The following PHC3 variants were observed in gnomAD, a reference collection of about 807,000 sequenced individuals.
The protein encoded by PHC3 is polyhomeotic homolog 3.
PHC3 carries 13 observed loss-of-function variants against 107.4 expected under a neutral mutation model. That is an observed-to-expected ratio of 0.12 (90% CI 0.08 to 0.19). The LOEUF is 0.19. Ranked by LOEUF, PHC3 falls within the 10% of genes least tolerant of loss-of-function variation. The pLI, the probability that PHC3 is intolerant of heterozygous loss-of-function variation, is 1.00. For missense variants in PHC3, 992 were observed against 1,210.9 expected, an observed-to-expected ratio of 0.82 and a Z score of 2.68; for synonymous variants, 456 against 427.4, an observed-to-expected ratio of 1.07 and a Z score of -0.83.
In PHC3 at chr3:170,091,889, G is replaced by T. The variant is rs983823288; in HGVS notation, c.*5341C>A. On this transcript the variant is annotated 3_prime_UTR_variant, in exon 15 of 15. Coordinates refer to ENST00000495893, the MANE Select transcript of PHC3 (RefSeq NM_024947.4). ...TTAGGAAATTCTTTTTCCAAAGAAGGTAATCTAATTTTAAATTTATTTGAA... is the reference window on the plus strand; with the variant it reads ...TTAGGAAATTCTTTTTCCAAAGAAGTTAATCTAATTTTAAATTTATTTGAA... 1 of 152,094 alleles carries T rather than the reference G, an allele frequency of 6.6e-6. No homozygotes were observed. Among genetic ancestry groups the T allele is most frequent in the Non-Finnish European group, 1.5e-5 (1 of 68,018 alleles). The allele number at this position is 152,094 out of a possible 1,614,324, so 9.4% of individuals were successfully genotyped here. A position where few individuals can be genotyped will look rare whatever the true frequency, so the allele number is the denominator to read the frequency against.
rs1203894075 is a variant in PHC3 at position 170,089,929 on chromosome 3, G to GAAAAA, written c.*7296_*7300dup. The stretch of plus-strand genomic sequence containing the variant: ...GAACCCATCTCAAAAAAAAAAAAAA[G>GAAAAA]AAAAAAAAAAAAAAAGAAAGAAAGT... On this transcript the variant is annotated 3_prime_UTR_variant, in exon 15 of 15. Coordinates refer to ENST00000495893, the MANE Select transcript of PHC3 (RefSeq NM_024947.4). 2 of 100,720 alleles carry GAAAAA rather than the reference G, an allele frequency of 2.0e-5. No homozygotes were observed. Among genetic ancestry groups the GAAAAA allele is most frequent in the Non-Finnish European group, 2.1e-5 (1 of 47,932 alleles). The allele number at this position is 100,720 out of a possible 1,614,324, so 6.2% of individuals were successfully genotyped here.
At chr3:170,111,345 C>G (rs896317223) in intron 11 of PHC3, among the ~76,000 whole-genome samples, 1 of 77,924 alleles carries the variant, frequency 1.3e-5, no homozygotes, top group African/African-American at 5.0e-5. Context: ...AACAAAAGAA[C>G]GGAAAGGAAA....
At chr3:170,171,501 A>C in intron 3 of PHC3, 51 bp from the exon 4 acceptor site, 1 of 1,277,698 alleles carries the variant, frequency 7.8e-7, no homozygotes, top group Non-Finnish European at 1.1e-6. Flanking sequence ...GAAGTTAAGA[A>C]CTTTCTGGTA....
rs1168514834 is a variant in PHC3, at chr3:170,150,531, TAAAAA to T, written c.415-1292_415-1288del. On this transcript the variant is annotated intron_variant, in intron 4 of 14. Transcript: ENST00000495893. ...TAACATGGTGAAACCCTGTCTCTAC[TAAAAA>T]AAAAAAAAAAAAAAAAAATTAAAAA... 18 of 77,572 alleles carry T rather than the reference TAAAAA, an allele frequency of 2.3e-4. No homozygotes were observed. The East Asian group carries it at 6.1e-3, about 26-fold the overall frequency. 4.8% of individuals were successfully genotyped at this position (77,572 alleles called of 1,614,324 possible).
intron 4 of PHC3, among the ~76,000 whole-genome samples, chr3:170,168,126 C>T (rs906066797): frequency 6.6e-6 from 1 of 151,802 alleles, no homozygotes; most frequent in East Asian, 1.9e-4. Context: ...CGTGCCACTG[C>T]ACTCCAGCCT....
chr3:170,125,482 A>G (rs2108439890), intron 8 of PHC3, among the ~76,000 whole-genome samples: 1 of 152,212 alleles, frequency 6.6e-6, no homozygotes, highest in East Asian at 1.9e-4. Context: ...AAAGAACATG[A>G]TCTTTGCTTA....
At chr3:170,158,927 GAAA>G (rs145178751) in intron 4 of PHC3, among the ~76,000 whole-genome samples, 1 of 120,336 alleles carries the variant, frequency 8.3e-6, no homozygotes. Context: ...AACCTGTCTT[GAAA>G]AAAAAAAAAA....
Position 170,136,587 on chromosome 3 carries a change from G to C in PHC3, c.751C>G (p.Gln251Glu). The C allele has an allele frequency of 6.2e-7, 1 of 1,613,766 alleles. No individual in the cohort carries two copies. The change falls in exon 7 of 15, where the codon CAA becomes GAA. Residue 251 changes from glutamine to glutamate, a missense_variant. Physicochemically the swap from Gln to Glu is conservative, Grantham distance 29. Around this residue, in one of 6 missense-constraint regions of PHC3, gnomAD observed 543 missense variants for 590.8 expected, o/e 0.92. Coordinates refer to ENST00000495893, the MANE Select transcript of PHC3 (RefSeq NM_024947.4). Reference protein sequence around the residue: ...SQNGPPKSTSQTQSLTICHNK... With the variant: ...SQNGPPKSTSETQSLTICHNK... ...TGACAAATTGTCAATGACTGAGTTTGACTAGTGCTTTTTGGTGGACCATTC... is the reference window on the plus strand; with the variant it reads ...TGACAAATTGTCAATGACTGAGTTTCACTAGTGCTTTTTGGTGGACCATTC...
intron 6 of PHC3, among the ~76,000 whole-genome samples, chr3:170,143,804 T>G (rs555293966): frequency 1.3e-5 from 2 of 152,290 alleles, no homozygotes; most frequent in African/African-American, 4.8e-5. Context: ...AACATCACCT[T>G]AATCATGGAA....
rs1354863169 is a variant in PHC3 at position 170,136,650 on chromosome 3, A to T, written c.688T>A (p.Leu230Ile). ...AATACACCCAACTTCTGGCTGCGTA[A>T]TGTTAAATTCTGAACCTAAGAACCA... ...SAATQVQNLT[L>I]RSQKLGVLSS... The change falls in exon 7 of 15, where the codon TTA (leucine) becomes ATA (isoleucine). Residue 230 changes from leucine (L) to isoleucine (I), a missense_variant. Leu to Ile is a conservative substitution (Grantham distance 5). Coordinates refer to ENST00000495893, the MANE Select transcript of PHC3 (RefSeq NM_024947.4). 2 of 1,613,488 alleles carry T rather than the reference A, an allele frequency of 1.2e-6. No individual in the cohort carries two copies. Among genetic ancestry groups the T allele is most frequent in the East Asian group, 4.5e-5 (2 of 44,868 alleles).
At chr3:170,104,372 T>C (rs1000892011) in intron 12 of PHC3, among the ~76,000 whole-genome samples, 2 of 152,180 alleles carry the variant, frequency 1.3e-5, no homozygotes, top group Non-Finnish European at 2.9e-5. Flanking sequence ...TGAAAAGCTA[T>C]GCAAAGCTAG....
chr3:170,181,697 C>A lies in PHC3; in HGVS notation c.14+5G>T. On this transcript the variant is annotated splice_donor_5th_base_variant and intron_variant, in intron 1 of 14. Transcript: ENST00000495893. ...TACGACATCAGTCACCATCTAGTCA[C>A]TCACTCCGCTTCCGCCATCTTCTCT... The A allele has an allele frequency of 6.2e-7, 1 of 1,613,376 alleles. No homozygotes were observed.
intron 4 of PHC3, among the ~76,000 whole-genome samples, chr3:170,165,428 A>G (rs572939681): frequency 6.6e-6 from 1 of 152,288 alleles, no homozygotes. Flanking sequence ...AACCAATAGA[A>G]GCCAATACCC....
chr3:170,157,235 A>AAC (rs1727037816), intron 4 of PHC3, among the ~76,000 whole-genome samples: 1 of 152,240 alleles, frequency 6.6e-6, no homozygotes. Flanking sequence ...AAGGGAAAAA[A>AAC]ACAAAATGCA....
chr3:170,166,196 C>T (rs917768925), intron 4 of PHC3, among the ~76,000 whole-genome samples: 2 of 151,844 alleles, frequency 1.3e-5, no homozygotes, highest in Non-Finnish European at 2.9e-5. Flanking sequence ...AGGCACGTAC[C>T]ACCATGGAAG....
chr3:170,145,586 A>G, intron 5 of PHC3, 65 bp from the exon 6 acceptor site: 2 of 1,111,238 alleles, frequency 1.8e-6, no homozygotes, highest in Non-Finnish European at 2.6e-6. Context: ...CACAATGTGT[A>G]GCAGGCAAGA....
chr3:170,179,121 T>C (rs1001905583), intron 1 of PHC3, among the ~76,000 whole-genome samples, 183 bp from the exon 2 acceptor site: 1 of 152,212 alleles, frequency 6.6e-6, no homozygotes, highest in African/African-American at 2.4e-5. Flanking sequence ...ATATGGAGCA[T>C]ATTTAATAGT....
intron 3 of PHC3, among the ~76,000 whole-genome samples, chr3:170,171,866 A>C (rs1445673102): frequency 3.9e-5 from 6 of 152,254 alleles, no homozygotes; most frequent in Non-Finnish European, 8.8e-5. Flanking sequence ...TCTGTTGGTA[A>C]CAGAAATAAA....
chr3:170,144,158 T>TAAAAAAAAA (rs60191414), intron 6 of PHC3, among the ~76,000 whole-genome samples: 1 of 118,848 alleles, frequency 8.4e-6, no homozygotes, highest in Non-Finnish European at 1.8e-5. Context: ...TGTTTCTACT[T>TAAAAAAAAA]AAAAAAAAAA....
Sources: gnomAD v4.1 joint callset for allele counts (sites outside exome capture counted in the v4.1 genomes callset) on GRCh38, gnomAD v4.1.1 for gene constraint, gnomAD v4.1.1 regional missense constraint, MANE v1.5 for transcripts, NCBI Gene and HGNC (gene_info 2026-07-23, HGNC 2026-07-21) for gene names.